The following ASIC2 variants were observed in gnomAD, a reference collection of about 807,000 sequenced individuals.
ASIC2 encodes the protein acid-sensing ion channel 2.
A neutral mutation model predicts 57.3 loss-of-function variants in ASIC2; 25 were observed. That is an observed-to-expected ratio of 0.44 (90% CI 0.32 to 0.61). The LOEUF is 0.61. Among genes scored for constraint, ASIC2 ranks in the 20% least tolerant of loss-of-function variants. The pLI is 0.06. For synonymous variants in ASIC2, 319 were observed against 307.5 expected (o/e 1.04, Z -0.39); for missense variants, 641 against 738.1 (o/e 0.87, Z 1.52).
At chr17:33,979,068 G>C (rs148848151) in intron 1 of ASIC2, among the ~76,000 whole-genome samples, 1 of 152,060 alleles carries the variant, frequency 6.6e-6, no homozygotes, top group African/African-American at 2.4e-5. Flanking sequence ...CCAGGGCCTT[G>C]GTCCCTCCCA....
intron 1 of ASIC2, chr17:34,155,944 A>G: frequency 6.4e-7 from 1 of 1,570,858 alleles, no homozygotes; most frequent in East Asian, 2.2e-5. Context: ...TCTCCAGAGG[A>G]CCAGACAGAG....
intron 1 of ASIC2, among the ~76,000 whole-genome samples, chr17:34,025,516 T>G (rs539781623): frequency 2.9e-4 from 44 of 152,326 alleles, no homozygotes; most frequent in South Asian, 1.5e-3. Flanking sequence ...ACCTAGCACC[T>G]CAGATGACCA....
intron 1 of ASIC2, among the ~76,000 whole-genome samples, chr17:34,014,442 T>G (rs917766950): frequency 3.3e-5 from 5 of 152,164 alleles, no homozygotes; most frequent in Non-Finnish European, 5.9e-5. Context: ...CTCGAGACAT[T>G]GGCTATGCTA....
At chr17:33,472,381 T>G (rs1156361186) in intron 1 of ASIC2, among the ~76,000 whole-genome samples, 2 of 152,188 alleles carry the variant, frequency 1.3e-5, no homozygotes, top group Non-Finnish European at 2.9e-5. Flanking sequence ...GGGCACATTG[T>G]GTAAGTTACC....
At chr17:33,565,117 G>T (rs1916194050) in intron 1 of ASIC2, among the ~76,000 whole-genome samples, 1 of 152,112 alleles carries the variant, frequency 6.6e-6, no homozygotes, top group South Asian at 2.1e-4. Flanking sequence ...GCACTGCTGG[G>T]TTAGGGTCTC....
chr17:33,841,128 C>G (rs184839044), intron 1 of ASIC2, among the ~76,000 whole-genome samples: 1 of 152,190 alleles, frequency 6.6e-6, no homozygotes, highest in African/African-American at 2.4e-5. Flanking sequence ...TCTGGTTTAC[C>G]TGAGACTAAG....
chr17:33,885,240 G>T (rs533697596), intron 1 of ASIC2, among the ~76,000 whole-genome samples: 8 of 152,132 alleles, frequency 5.3e-5, no homozygotes, highest in African/African-American at 1.9e-4. Context: ...ATACTTTTCC[G>T]CTGTGCCACT....
chr17:34,103,663 T>C (rs1320291319), intron 1 of ASIC2, among the ~76,000 whole-genome samples: 2 of 152,172 alleles, frequency 1.3e-5, no homozygotes, highest in East Asian at 3.9e-4. Flanking sequence ...GGGCTCACTT[T>C]TTTTTTGCAC....
At chr17:34,107,877 C>T (rs190256033) in intron 1 of ASIC2, among the ~76,000 whole-genome samples, 6 of 152,098 alleles carry the variant, frequency 3.9e-5, no homozygotes, top group Admixed American at 1.3e-4. Flanking sequence ...AGCATGCATC[C>T]GAAAGTCAAA....
At chr17:34,029,109 A>G (rs1207256068) in intron 1 of ASIC2, among the ~76,000 whole-genome samples, 1 of 152,138 alleles carries the variant, frequency 6.6e-6, no homozygotes, top group African/African-American at 2.4e-5. Flanking sequence ...TACAATTTAA[A>G]CTATTCCTCG....
intron 3 of ASIC2, among the ~76,000 whole-genome samples, chr17:33,063,941 G>C (rs2092031316): frequency 6.6e-6 from 1 of 152,142 alleles, no homozygotes; most frequent in Non-Finnish European, 1.5e-5. Context: ...TTTTCTTCCA[G>C]TTGATCGAAT....
intron 1 of ASIC2, among the ~76,000 whole-genome samples, chr17:34,047,368 T>C (rs1908376132): frequency 6.6e-6 from 1 of 152,030 alleles, no homozygotes; most frequent in Non-Finnish European, 1.5e-5. Context: ...TAAACCCTCA[T>C]TTCACAATGT....
intron 1 of ASIC2, among the ~76,000 whole-genome samples, chr17:34,029,757 T>C (rs920216621): frequency 7.2e-5 from 11 of 152,208 alleles, no homozygotes; most frequent in Non-Finnish European, 1.6e-4. Context: ...GAAAATTGAA[T>C]CTGCTGGCAC....
intron 1 of ASIC2, among the ~76,000 whole-genome samples, chr17:33,782,538 C>T (rs968832782): frequency 6.6e-6 from 1 of 152,014 alleles, no homozygotes; most frequent in Non-Finnish European, 1.5e-5. Flanking sequence ...ACCAGCCTGG[C>T]CAACATAGCG....
chr17:33,469,533 C>T (rs981467780), intron 1 of ASIC2, among the ~76,000 whole-genome samples: 2 of 152,142 alleles, frequency 1.3e-5, no homozygotes, highest in Admixed American at 1.3e-4. Flanking sequence ...CAGCAGACAC[C>T]GTGACCATCA....
chr17:33,670,910 C>G (rs1051877812), intron 1 of ASIC2, among the ~76,000 whole-genome samples: 1 of 152,220 alleles, frequency 6.6e-6, no homozygotes, highest in Non-Finnish European at 1.5e-5. Context: ...GAGACTCCCT[C>G]AAAGTGTTAA....
chr17:33,785,642 G>A (rs894074272), intron 1 of ASIC2, among the ~76,000 whole-genome samples: 1 of 152,108 alleles, frequency 6.6e-6, no homozygotes, highest in Non-Finnish European at 1.5e-5. Flanking sequence ...TCACAGATGT[G>A]GGTTCTAGTC....
intron 1 of ASIC2, among the ~76,000 whole-genome samples, chr17:33,241,027 A>T (rs1447108112): frequency 6.6e-6 from 1 of 152,130 alleles, no homozygotes; most frequent in East Asian, 1.9e-4. Flanking sequence ...CTACCCTGTA[A>T]CATAAAAATC....
At chr17:34,137,559 G>A (rs976219178) in intron 1 of ASIC2, among the ~76,000 whole-genome samples, 11 of 152,232 alleles carry the variant, frequency 7.2e-5, no homozygotes, top group African/African-American at 2.2e-4. Context: ...CCTGGGCACA[G>A]TCTTCTTTGT....
Sources: allele counts gnomAD v4.1 joint callset (sites outside exome capture counted in the v4.1 genomes callset), GRCh38; gene constraint gnomAD v4.1.1; transcripts MANE v1.5; gene names NCBI Gene and HGNC (gene_info 2026-07-23, HGNC 2026-07-21).